INPP5A: variants seen among roughly 807,000 people sequenced by gnomAD.
INPP5A encodes the protein inositol polyphosphate-5-phosphatase A, also known as 43 kDa inositol polyphosphate 5-phophatase.
Under a neutral mutation model 65.2 loss-of-function variants are expected in INPP5A, and 14 were observed. That is an observed-to-expected ratio of 0.21 (90% CI 0.14 to 0.34). INPP5A has a LOEUF of 0.34. INPP5A is among the 10% of genes least tolerant of loss of function. INPP5A has a pLI of 1.00. For synonymous variants in INPP5A, 207 were observed against 208.3 expected (o/e 0.99, Z 0.05); for missense variants, 431 against 545.6 (o/e 0.79, Z 2.09).
intron 1 of INPP5A, among the ~76,000 whole-genome samples, chr10:132,563,359 G>T (rs1011228701): frequency 6.6e-6 from 1 of 152,144 alleles, no homozygotes; most frequent in Non-Finnish European, 1.5e-5. Flanking sequence ...AGCGTCTGCC[G>T]GGTGCTGCGG....
At chr10:132,580,932 C>A (rs946723642) in intron 1 of INPP5A, among the ~76,000 whole-genome samples, 11 of 152,332 alleles carry the variant, frequency 7.2e-5, no homozygotes, top group African/African-American at 2.4e-4. Flanking sequence ...ATATACAGAT[C>A]CTAAGTACAC....
At chr10:132,657,380 GCCT>G (rs2072670963) in intron 4 of INPP5A, among the ~76,000 whole-genome samples, 1 of 152,234 alleles carries the variant, frequency 6.6e-6, no homozygotes, top group African/African-American at 2.4e-5. Context: ...AGGGGCTCTG[GCCT>G]CCTGCAGAGC....
chr10:132,612,409 ATGT>A (rs1161269193), intron 2 of INPP5A, among the ~76,000 whole-genome samples: 9 of 141,356 alleles, frequency 6.4e-5, no homozygotes, highest in East Asian at 2.1e-4. Context: ...TAGAATTGTG[ATGT>A]TGTGTTTTGT....
intron 2 of INPP5A, among the ~76,000 whole-genome samples, chr10:132,626,626 C>T (rs2072187067): frequency 6.6e-6 from 1 of 152,226 alleles, no homozygotes; most frequent in African/African-American, 2.4e-5. Flanking sequence ...TGTGGGTGTG[C>T]ACAAGAGCCC....
chr10:132,668,976 C>G (rs959516136), intron 4 of INPP5A, among the ~76,000 whole-genome samples: 4 of 151,866 alleles, frequency 2.6e-5, no homozygotes, highest in South Asian at 2.1e-4. Flanking sequence ...CCGGTGAGGC[C>G]GGGCATGGTG....
Position 132,739,073 on chromosome 10 carries a change from GCAGCCCTCCCAGCAAACCCTGCCCCA to G in INPP5A, c.733-10428_733-10403del, listed in dbSNP as rs562172155. Among the ~76,000 whole-genome samples the G allele has an allele frequency of 6.6e-5, 10 of 152,218 alleles. No homozygotes were observed. The South Asian group carries it at 1.0e-3, about 16-fold the overall frequency. ...GGCGAAGTGTCTGAGGGCCCGCCCC[GCAGCCCTCCCAGCAAACCCTGCCCCA>G]CAGCCCTCCCAGCAAGCCAGGCTCT... On this transcript the variant is annotated intron_variant, in intron 9 of 15. Transcript: ENST00000368594.
At chr10:132,682,781 C>G (rs2073063737) in intron 4 of INPP5A, among the ~76,000 whole-genome samples, 1 of 151,804 alleles carries the variant, frequency 6.6e-6, no homozygotes, top group Non-Finnish European at 1.5e-5. Flanking sequence ...CATATGCACT[C>G]ATGTTTAATC....
intron 8 of INPP5A, among the ~76,000 whole-genome samples, chr10:132,714,060 A>G (rs562643153): frequency 1.4e-4 from 21 of 152,202 alleles, no homozygotes; most frequent in Middle Eastern, 3.4e-3. Flanking sequence ...GCCCAGGAGC[A>G]GGGAGGGCCC....
At chr10:132,747,563 G>T (rs985983626) in intron 9 of INPP5A, among the ~76,000 whole-genome samples, 6 of 152,254 alleles carry the variant, frequency 3.9e-5, no homozygotes, top group Middle Eastern at 3.2e-3. Context: ...TGCACAGGAA[G>T]GCCGGGCACC....
chr10:132,543,928 G>C (rs2070937092), intron 1 of INPP5A, among the ~76,000 whole-genome samples: 1 of 152,402 alleles, frequency 6.6e-6, no homozygotes, highest in South Asian at 2.1e-4. Flanking sequence ...CAGTGCTGCT[G>C]TGTGCATCTT....
rs534663009 is a variant in INPP5A at position 132,537,901 on chromosome 10, C to CAGCG, written c.-179_-176dup. Reference sequence around the variant, plus strand: ...GAGCGACGGGCGCGGGGCCGCGGAGCAGCGAGCGAGCGAGCGAGCGCGAGG... The same window carrying CAGCG: ...GAGCGACGGGCGCGGGGCCGCGGAGCAGCGAGCGAGCGAGCGAGCGAGCGCGAGG... On this transcript the variant is annotated 5_prime_UTR_variant, in exon 1 of 16. Coordinates refer to ENST00000368594, the MANE Select transcript of INPP5A (RefSeq NM_005539.5). 8.6e-4 allele frequency: 236 copies of CAGCG among 273,602 alleles called. No homozygotes were observed. The highest frequency in any genetic ancestry group is 4.9e-3 in the African/African-American group (218 of 44,128). The allele number at this position is 273,602 out of a possible 1,614,324, so 16.9% of individuals were successfully genotyped here.
chr10:132,542,581 G>A (rs939817222), intron 1 of INPP5A, among the ~76,000 whole-genome samples: 1 of 152,202 alleles, frequency 6.6e-6, no homozygotes, highest in African/African-American at 2.4e-5. Flanking sequence ...CAGCCCTCGA[G>A]TGGGGTGGGG....
At chr10:132,747,419 C>T (rs1222043667) in intron 9 of INPP5A, among the ~76,000 whole-genome samples, 2 of 152,280 alleles carry the variant, frequency 1.3e-5, no homozygotes, top group East Asian at 1.9e-4. Context: ...AGCGGGTGGC[C>T]GCCTCCTGGC....
chr10:132,629,399 C>CTT (rs1402590769), intron 2 of INPP5A, among the ~76,000 whole-genome samples: 2 of 152,230 alleles, frequency 1.3e-5, no homozygotes, highest in African/African-American at 4.8e-5. Flanking sequence ...TGTTCAGTGT[C>CTT]TTCATGAACT....
intron 2 of INPP5A, among the ~76,000 whole-genome samples, chr10:132,639,941 G>A (rs573227429): frequency 6.6e-6 from 1 of 152,242 alleles, no homozygotes; most frequent in South Asian, 2.1e-4. Flanking sequence ...TATAGTTTCT[G>A]TTGAAATTTT....
At chr10:132,756,482 A>C (rs1846620704) in intron 11 of INPP5A, among the ~76,000 whole-genome samples, 2 of 152,226 alleles carry the variant, frequency 1.3e-5, no homozygotes, top group Non-Finnish European at 2.9e-5. Flanking sequence ...TATGTGACTA[A>C]GGTTTGATAA....
intron 6 of INPP5A, among the ~76,000 whole-genome samples, chr10:132,701,292 C>A (rs1845432353): frequency 6.6e-6 from 1 of 152,226 alleles, no homozygotes; most frequent in Non-Finnish European, 1.5e-5. Flanking sequence ...GAGGTGAAAA[C>A]CTCTCTGGGA....
chr10:132,716,138 G>T (rs1268178745), intron 8 of INPP5A, among the ~76,000 whole-genome samples: 1 of 152,244 alleles, frequency 6.6e-6, no homozygotes, highest in Non-Finnish European at 1.5e-5. Flanking sequence ...TGCAGGGGCA[G>T]CGCCTGCACC....
chr10:132,668,173 C>G (rs2072831843), intron 4 of INPP5A, among the ~76,000 whole-genome samples: 1 of 152,192 alleles, frequency 6.6e-6, no homozygotes, highest in Non-Finnish European at 1.5e-5. Flanking sequence ...TGGGCTCCTG[C>G]AGCCCAGCCC....
Sources: allele counts gnomAD v4.1 joint callset (sites outside exome capture counted in the v4.1 genomes callset), GRCh38; gene constraint gnomAD v4.1.1; transcripts MANE v1.5; gene names NCBI Gene and HGNC (gene_info 2026-07-23, HGNC 2026-07-21).